LRRC7: variants seen among roughly 807,000 people sequenced by gnomAD.
LRRC7 encodes the protein leucine-rich repeat-containing protein 7.
A neutral mutation model predicts 175.7 loss-of-function variants in LRRC7; 23 were observed. The ratio of observed to expected loss-of-function variants is 0.13; its 90% CI spans 0.09 to 0.19. The LOEUF (loss-of-function observed/expected upper bound fraction) is 0.19. Among genes scored for constraint, LRRC7 ranks in the 10% least tolerant of loss-of-function variants. The pLI, the probability that LRRC7 is intolerant of heterozygous loss-of-function variation, is 1.00. For synonymous variants in LRRC7, 685 were observed against 680.9 expected (o/e 1.01, Z -0.09); for missense variants, 1,354 against 1,904.7 (o/e 0.71, Z 5.38).
intron 2 of LRRC7, among the ~76,000 whole-genome samples, chr1:69,693,834 T>C (rs147962495): frequency 1.5e-3 from 221 of 152,340 alleles, no homozygotes; most frequent in African/African-American, 4.7e-3. Context: ...ATAGTCAATC[T>C]CTTTCTTTCT....
intron 7 of LRRC7, among the ~76,000 whole-genome samples, chr1:69,873,303 C>A (rs1685737609): frequency 6.6e-6 from 1 of 152,060 alleles, no homozygotes; most frequent in Non-Finnish European, 1.5e-5. Context: ...TAGAACTATG[C>A]CTCTTTACAA....
intron 23 of LRRC7, among the ~76,000 whole-genome samples, chr1:70,069,076 G>A (rs1422745224): frequency 6.6e-6 from 1 of 152,168 alleles, no homozygotes; most frequent in Non-Finnish European, 1.5e-5. Context: ...TATATTGGAT[G>A]AGTTGTGGTA....
At chr1:69,592,350 G>T (rs1646670508) in intron 1 of LRRC7, among the ~76,000 whole-genome samples, 1 of 152,012 alleles carries the variant, frequency 6.6e-6, no homozygotes, top group Non-Finnish European at 1.5e-5. Context: ...TCAAATTCAG[G>T]CAGATTGTAT....
At chr1:69,644,387 T>C (rs561866013) in intron 1 of LRRC7, among the ~76,000 whole-genome samples, 123 of 152,222 alleles carry the variant, frequency 8.1e-4, no homozygotes, top group African/African-American at 2.8e-3. Context: ...TGAATTATCC[T>C]GTTTATCATT....
chr1:69,847,801 C>T (rs1273152098), intron 7 of LRRC7, among the ~76,000 whole-genome samples: 1 of 152,098 alleles, frequency 6.6e-6, no homozygotes, highest in African/African-American at 2.4e-5. Context: ...CATTGGAATA[C>T]ATCTTCCTTA....
intron 21 of LRRC7, among the ~76,000 whole-genome samples, chr1:70,043,322 A>G (rs920706810): frequency 6.6e-6 from 1 of 152,160 alleles, no homozygotes; most frequent in African/African-American, 2.4e-5. Flanking sequence ...AAAAAATAGA[A>G]TATTTGGATC....
chr1:69,724,985 C>T (rs1464475293), intron 2 of LRRC7, among the ~76,000 whole-genome samples: 1 of 151,810 alleles, frequency 6.6e-6, no homozygotes, highest in African/African-American at 2.4e-5. Flanking sequence ...ACCAATCCTC[C>T]CAAGCAATCA....
At chr1:69,992,441 C>T (rs1654528429) in intron 10 of LRRC7, among the ~76,000 whole-genome samples, 2 of 151,842 alleles carry the variant, frequency 1.3e-5, no homozygotes, top group African/African-American at 2.4e-5. Flanking sequence ...GATAAAATAC[C>T]GTTGATTACT....
intron 6 of LRRC7, 115 bp downstream of exon 6, chr1:69,834,984 A>G: frequency 1.4e-6 from 1 of 711,270 alleles, no homozygotes; most frequent in Non-Finnish European, 2.3e-6. Context: ...AGGCCTCATT[A>G]TTATTCAATA....
At chr1:69,751,374 A>G (rs571941787) in intron 2 of LRRC7, among the ~76,000 whole-genome samples, 7 of 152,216 alleles carry the variant, frequency 4.6e-5, no homozygotes, top group African/African-American at 1.4e-4. Context: ...CAGTATTTTC[A>G]TTGGCATTAC....
chr1:69,734,544 AT>A (rs1207091728), intron 2 of LRRC7, among the ~76,000 whole-genome samples: 1 of 151,930 alleles, frequency 6.6e-6, no homozygotes, highest in African/African-American at 2.4e-5. Context: ...ATAGTATTTC[AT>A]TCTAAGTGCA....
At chr1:69,805,943 T>C (rs999232718) in intron 4 of LRRC7, among the ~76,000 whole-genome samples, 1 of 151,916 alleles carries the variant, frequency 6.6e-6, no homozygotes, top group African/African-American at 2.4e-5. Context: ...TTACATAAAC[T>C]GATCAATTTT....
chr1:69,619,595 C>T (rs905992251), intron 1 of LRRC7, among the ~76,000 whole-genome samples: 4 of 152,114 alleles, frequency 2.6e-5, no homozygotes, highest in Non-Finnish European at 5.9e-5. Flanking sequence ...ACAGACAGCT[C>T]GGACTTGGAT....
At chr1:69,882,315 A>C (rs1018757312) in intron 7 of LRRC7, among the ~76,000 whole-genome samples, 19 of 152,186 alleles carry the variant, frequency 1.2e-4, no homozygotes, top group African/African-American at 4.3e-4. Context: ...AAGATTCCTT[A>C]AAAAGTTAAA....
In LRRC7 at chr1:69,902,456, G is replaced by A. The variant is rs533080533; in HGVS notation, c.648-29051G>A. 3.9e-4 allele frequency among the ~76,000 whole-genome samples: 60 copies of A among 152,016 alleles called. No homozygotes were observed. In the Middle Eastern group the frequency reaches 0.01, roughly 26 times the overall value. On this transcript the variant is annotated intron_variant, in intron 7 of 26. Transcript: ENST00000651989. ...CATGGTGGCATGCATCTGTAGTCCCGGCTACTCAAGAGACTGAGGCACAAG... is the reference window on the plus strand; with the variant it reads ...CATGGTGGCATGCATCTGTAGTCCCAGCTACTCAAGAGACTGAGGCACAAG...
intron 2 of LRRC7, among the ~76,000 whole-genome samples, chr1:69,758,680 C>T (rs1487916234): frequency 6.6e-6 from 1 of 151,900 alleles, no homozygotes; most frequent in African/African-American, 2.4e-5. Context: ...CTCAGGTAGG[C>T]CCCAGTGTCT....
At position 70,137,370 on chromosome 1, in the gene LRRC7, T is replaced by A. The variant is rs1054853747; in HGVS notation, c.*15483T>A. ...AGGCTTACTGTTCCACTTAAAGGGA[T>A]CAATCTGAGGGAAGAAGAGAAGTTA... On this transcript the variant is annotated 3_prime_UTR_variant, in exon 27 of 27. Coordinates refer to ENST00000651989, the MANE Select transcript of LRRC7 (RefSeq NM_001370785.2). 3.9e-5 allele frequency among the ~76,000 whole-genome samples: 6 copies of A among 152,184 alleles called. No individual in the cohort carries two copies. The highest frequency in any genetic ancestry group is 1.4e-4 in the African/African-American group (6 of 41,442).
chr1:69,847,554 A>T (rs922789254), intron 7 of LRRC7, among the ~76,000 whole-genome samples: 4 of 152,122 alleles, frequency 2.6e-5, no homozygotes, highest in Non-Finnish European at 5.9e-5. Flanking sequence ...ACTTGGTTAA[A>T]CCAAATCAAA....
chr1:69,895,468 CTAAA>C (rs1289065533), intron 7 of LRRC7, among the ~76,000 whole-genome samples: 8 of 151,928 alleles, frequency 5.3e-5, no homozygotes, highest in South Asian at 2.1e-4. Context: ...CTAATAAACT[CTAAA>C]TAAAACAGAA....
Sources: allele counts gnomAD v4.1 joint callset (sites outside exome capture counted in the v4.1 genomes callset), GRCh38; gene constraint gnomAD v4.1.1; transcripts MANE v1.5; gene names NCBI Gene and HGNC (gene_info 2026-07-23, HGNC 2026-07-21).